Variants in CRYBG1 observed in about 807,000 individuals in gnomAD.
The protein encoded by CRYBG1 is crystallin beta-gamma domain containing 1.
CRYBG1 carries 139 observed loss-of-function variants against 189.2 expected under a neutral mutation model. That is an observed-to-expected ratio of 0.73 (90% CI 0.64 to 0.85). The LOEUF is 0.85. Ranked by LOEUF, CRYBG1 falls within the 40% of genes least tolerant of loss-of-function variation. CRYBG1 has a pLI of 0.00. For missense variants in CRYBG1, 2,611 were observed against 2,675.8 expected (o/e 0.98, Z 0.53); for synonymous variants, 1,023 against 1,017.1 (o/e 1.01, Z -0.11).
chr6:106,560,956 G>C (rs751423905), intron 19 of CRYBG1, 30 bp downstream of exon 19: 1 of 1,535,456 alleles, frequency 6.5e-7, no homozygotes, highest in Admixed American at 2.3e-5. Context: ...GCTCTGCATA[G>C]ACTCTTCTCT....
At chr6:106,424,838 C>G (rs549427026) in intron 1 of CRYBG1, among the ~76,000 whole-genome samples, 6 of 152,180 alleles carry the variant, frequency 3.9e-5, no homozygotes, top group Non-Finnish European at 8.8e-5. Context: ...AGTCCAGCCT[C>G]TCTGCACTCC....
At chr6:106,381,546 T>C (rs1172064156) in intron 1 of CRYBG1, among the ~76,000 whole-genome samples, 1 of 152,224 alleles carries the variant, frequency 6.6e-6, no homozygotes, top group Non-Finnish European at 1.5e-5. Context: ...TAAGTATAGA[T>C]GTAATTTAGG....
At chr6:106,532,628 TG>T (rs373059722) in intron 8 of CRYBG1, among the ~76,000 whole-genome samples, 237 of 152,332 alleles carry the variant, frequency 1.6e-3, no homozygotes, top group African/African-American at 5.5e-3. Flanking sequence ...TATCTCATTG[TG>T]GTTTTGATTT....
intron 2 of CRYBG1, among the ~76,000 whole-genome samples, chr6:106,467,856 A>T (rs1014247386): frequency 1.3e-5 from 2 of 152,202 alleles, no homozygotes; most frequent in Admixed American, 6.5e-5. Flanking sequence ...ACATATTATG[A>T]TATTTGCATA....
At chr6:106,506,953 C>G (rs1038468004) in intron 2 of CRYBG1, among the ~76,000 whole-genome samples, 1 of 152,092 alleles carries the variant, frequency 6.6e-6, no homozygotes, top group Non-Finnish European at 1.5e-5. Flanking sequence ...AGAACCAGAA[C>G]AGTTTCAAAA....
chr6:106,466,613 AT>A (rs1203715344), intron 2 of CRYBG1, among the ~76,000 whole-genome samples: 1 of 152,260 alleles, frequency 6.6e-6, no homozygotes. Context: ...GAAATGAAAA[AT>A]AAACTAATTT....
At chr6:106,410,956 G>T (rs367835816) in intron 1 of CRYBG1, among the ~76,000 whole-genome samples, 1 of 152,160 alleles carries the variant, frequency 6.6e-6, no homozygotes, top group African/African-American at 2.4e-5. Context: ...CATGTATAAT[G>T]CCTATGTAAC....
At chr6:106,442,842 T>C (rs1771590313) in intron 1 of CRYBG1, among the ~76,000 whole-genome samples, 1 of 152,164 alleles carries the variant, frequency 6.6e-6, no homozygotes, top group Non-Finnish European at 1.5e-5. Context: ...CAAAATTGCC[T>C]GGAATATAGG....
chr6:106,560,694 T>C, intron 18 of CRYBG1, 109 bp from the exon 19 acceptor site: 1 of 1,280,324 alleles, frequency 7.8e-7, no homozygotes. Context: ...CAATGTATGT[T>C]AAAAGTATAT....
Position 106,451,678 on chromosome 6 carries a change from G to T in CRYBG1, c.174-16G>T. 2 of 1,529,758 alleles carry T rather than the reference G, an allele frequency of 1.3e-6. No homozygotes were observed. The highest frequency in any genetic ancestry group is 8.7e-7 in the Non-Finnish European group (1 of 1,143,628). The allele number at this position is 1,529,758 out of a possible 1,614,324, so 94.8% of individuals were successfully genotyped here. ...TTCATAGTGTATTGACATGACTGTGGTTCCGTTCTTTGCAGAGCTTTGGAT... is the reference window on the plus strand; with the variant it reads ...TTCATAGTGTATTGACATGACTGTGTTTCCGTTCTTTGCAGAGCTTTGGAT... On this transcript the variant is annotated splice_polypyrimidine_tract_variant and intron_variant, in intron 1 of 21. Coordinates refer to ENST00000633556, the MANE Select transcript of CRYBG1 (RefSeq NM_001371242.2).
chr6:106,393,018 G>T (rs956274619), intron 1 of CRYBG1, among the ~76,000 whole-genome samples: 1 of 152,098 alleles, frequency 6.6e-6, no homozygotes, highest in Non-Finnish European at 1.5e-5. Flanking sequence ...CAAGTGATCC[G>T]CTCACCTTGG....
At chr6:106,376,306 A>G (rs575123765) in intron 1 of CRYBG1, among the ~76,000 whole-genome samples, 3 of 152,202 alleles carry the variant, frequency 2.0e-5, no homozygotes, top group African/African-American at 7.2e-5. Flanking sequence ...TTCCTTACTC[A>G]TTTCCCTCTG....
intron 2 of CRYBG1, among the ~76,000 whole-genome samples, chr6:106,480,554 C>G (rs1161841771): frequency 1.3e-5 from 2 of 151,656 alleles, no homozygotes; most frequent in Non-Finnish European, 2.9e-5. Context: ...GTAGTCCCAG[C>G]TACTTAGCAG....
chr6:106,511,695 C>T lies in CRYBG1; in HGVS notation c.578C>T (p.Ala193Val). The T allele has an allele frequency of 6.5e-7, 1 of 1,535,590 alleles. No homozygotes were observed. Among genetic ancestry groups the T allele is most frequent in the Non-Finnish European group, 8.7e-7 (1 of 1,146,650 alleles). Residue 193 changes from alanine (A) to valine (V), a missense_variant, in exon 3 of 22, where the codon GCA becomes GTA. By Grantham distance (64) the Ala-to-Val change is moderately conservative. Around this residue, in one of 3 missense-constraint regions of CRYBG1, gnomAD observed 985 missense variants for 924.4 expected, o/e 1.07. Coordinates refer to ENST00000633556, the MANE Select transcript of CRYBG1 (RefSeq NM_001371242.2). The stretch of plus-strand genomic sequence containing the variant: ...TCCCCGCGGGAGAATCCCCGAGAGG[C>T]AGAGGGCGAGCTCCCCGAGAGCGGT... ...EGSPRENPRE[A>V]EGELPESGGP...
intron 1 of CRYBG1, among the ~76,000 whole-genome samples, chr6:106,441,410 T>G (rs1271527007): frequency 6.6e-6 from 1 of 152,122 alleles, no homozygotes; most frequent in East Asian, 1.9e-4. Context: ...AGAATTTCTA[T>G]TCATGAGAGC....
chr6:106,440,149 C>A (rs1554235812), intron 1 of CRYBG1, among the ~76,000 whole-genome samples: 1 of 151,816 alleles, frequency 6.6e-6, no homozygotes, highest in Non-Finnish European at 1.5e-5. Flanking sequence ...TCTTCTTCTG[C>A]CCTCTACTCT....
At chr6:106,404,299 T>A (rs1770775523) in intron 1 of CRYBG1, among the ~76,000 whole-genome samples, 1 of 152,236 alleles carries the variant, frequency 6.6e-6, no homozygotes, top group African/African-American at 2.4e-5. Context: ...GTTTCATACA[T>A]GTGCATGAAA....
At chr6:106,534,562 A>G (rs777424156) in intron 8 of CRYBG1, among the ~76,000 whole-genome samples, 24 of 151,616 alleles carry the variant, frequency 1.6e-4, no homozygotes, top group Non-Finnish European at 3.1e-4. Flanking sequence ...TGTAGAGGGA[A>G]CTCCTTAAGA....
chr6:106,556,176 C>T (rs1165367589), intron 17 of CRYBG1, among the ~76,000 whole-genome samples: 1 of 152,206 alleles, frequency 6.6e-6, no homozygotes, highest in Non-Finnish European at 1.5e-5. Flanking sequence ...CTGGATTTCA[C>T]ATGTAAGAAC....
Sources: gnomAD v4.1 joint callset for allele counts (sites outside exome capture counted in the v4.1 genomes callset) on GRCh38, gnomAD v4.1.1 for gene constraint, gnomAD v4.1.1 regional missense constraint, MANE v1.5 for transcripts, NCBI Gene and HGNC (gene_info 2026-07-23, HGNC 2026-07-21) for gene names.